Variants in EPHA6 observed in about 807,000 individuals in gnomAD.
The protein encoded by EPHA6 is EPH receptor A6.
EPHA6 carries 50 observed loss-of-function variants against 112.0 expected under a neutral mutation model. That is an observed-to-expected ratio of 0.45 (90% CI 0.36 to 0.56). The LOEUF (loss-of-function observed/expected upper bound fraction) is 0.56, where lower values mean the gene tolerates loss of function less well. Ranked by LOEUF, EPHA6 falls within the 20% of genes least tolerant of loss-of-function variation. EPHA6 has a pLI of 0.00. For missense variants in EPHA6, 1,280 were observed against 1,417.4 expected (o/e 0.90, Z 1.56); for synonymous variants, 529 against 490.7 (o/e 1.08, Z -1.03).
intron 1 of EPHA6, among the ~76,000 whole-genome samples, chr3:96,835,664 A>G (rs1392361201): frequency 1.3e-5 from 2 of 152,002 alleles, no homozygotes; most frequent in Non-Finnish European, 2.9e-5. Flanking sequence ...AAAGTTCTTG[A>G]CCCCGGCTGC....
chr3:97,237,053 C>T (rs2078699462), intron 4 of EPHA6, among the ~76,000 whole-genome samples: 1 of 151,884 alleles, frequency 6.6e-6, no homozygotes, highest in Non-Finnish European at 1.5e-5. Context: ...GCTTTTCCAT[C>T]TCACAACTGA....
intron 2 of EPHA6, among the ~76,000 whole-genome samples, chr3:96,962,487 C>T (rs2041980599): frequency 6.8e-6 from 1 of 147,700 alleles, no homozygotes; most frequent in Non-Finnish European, 1.5e-5. Flanking sequence ...GGGAATTGCT[C>T]CCAGTTCTAA....
At chr3:97,204,950 T>C (rs1313874048) in intron 3 of EPHA6, among the ~76,000 whole-genome samples, 1 of 152,122 alleles carries the variant, frequency 6.6e-6, no homozygotes, top group East Asian at 1.9e-4. Context: ...TTTTTGGATA[T>C]ATTTTAGAAC....
intron 3 of EPHA6, among the ~76,000 whole-genome samples, chr3:97,128,588 G>A (rs1369151952): frequency 6.6e-6 from 1 of 152,002 alleles, no homozygotes; most frequent in African/African-American, 2.4e-5. Context: ...GCATGATCTC[G>A]GCTCACTGCA....
At position 97,333,154 on chromosome 3, in the gene EPHA6, A is replaced by G. The variant is rs550905144; in HGVS notation, c.1607-71996A>G. 5.3e-5 allele frequency among the ~76,000 whole-genome samples: 8 copies of G among 152,166 alleles called. No homozygotes were observed. In the South Asian group the frequency reaches 1.5e-3, roughly 28 times the overall value. ...TTGATTTCTATTATCAACATTTTAT[A>G]ATTTGCAGCACCTAGATCCTGTACA... On this transcript the variant is annotated intron_variant, in intron 5 of 17. Transcript: ENST00000389672.
At chr3:97,404,243 T>C (rs1428069696) in intron 5 of EPHA6, among the ~76,000 whole-genome samples, 1 of 152,194 alleles carries the variant, frequency 6.6e-6, no homozygotes, top group African/African-American at 2.4e-5. Flanking sequence ...ATAAGAGTTG[T>C]ATCATTTTGC....
chr3:97,712,983 A>G (rs1406991715), intron 14 of EPHA6, among the ~76,000 whole-genome samples: 2 of 152,120 alleles, frequency 1.3e-5, no homozygotes, highest in Non-Finnish European at 2.9e-5. Context: ...ATTGTTTCTC[A>G]TCTGCCCCTA....
chr3:97,129,718 A>G (rs561798177), intron 3 of EPHA6, among the ~76,000 whole-genome samples: 32 of 152,242 alleles, frequency 2.1e-4, no homozygotes, highest in Admixed American at 6.5e-4. Flanking sequence ...ATAAGAAATA[A>G]GGGAATTCAT....
Position 97,392,004 on chromosome 3 carries a change from C to G in EPHA6, c.1607-13146C>G, listed in dbSNP as rs139412441. 8.3e-3 allele frequency among the ~76,000 whole-genome samples: 1,259 copies of G among 151,750 alleles called. 14 individuals are homozygous for G. Among genetic ancestry groups the G allele is most frequent in the African/African-American group, 0.027 (1,121 of 41,464 alleles). Reference sequence around the variant, plus strand: ...ATTTATAAGTCTAATTTTCATAAAGCTTCATGGTTTAAGACACTCTTGAAG... The same window carrying G: ...ATTTATAAGTCTAATTTTCATAAAGGTTCATGGTTTAAGACACTCTTGAAG... On this transcript the variant is annotated intron_variant, in intron 5 of 17. Transcript: ENST00000389672.
intron 10 of EPHA6, among the ~76,000 whole-genome samples, chr3:97,518,792 G>A (rs2092489724): frequency 6.6e-6 from 1 of 151,958 alleles, no homozygotes. Context: ...TTTGCAAAAT[G>A]TATATGCATA....
intron 2 of EPHA6, among the ~76,000 whole-genome samples, chr3:96,880,611 A>G (rs1368664597): frequency 4.6e-5 from 7 of 152,258 alleles, no homozygotes; most frequent in African/African-American, 1.7e-4. Flanking sequence ...CATTCACAAT[A>G]TTGTACAACC....
At chr3:97,688,073 CA>C (rs2032383201) in intron 14 of EPHA6, among the ~76,000 whole-genome samples, 2 of 152,264 alleles carry the variant, frequency 1.3e-5, no homozygotes, top group South Asian at 4.1e-4. Flanking sequence ...ATGGCCAAGT[CA>C]GGGAAGAAAG....
intron 13 of EPHA6, among the ~76,000 whole-genome samples, chr3:97,619,488 T>C (rs2093795739): frequency 6.6e-6 from 1 of 150,930 alleles, no homozygotes; most frequent in Non-Finnish European, 1.5e-5. Context: ...TCCCTGTTTG[T>C]AGATTACATG....
At chr3:97,043,708 A>G (rs2045400153) in intron 3 of EPHA6, among the ~76,000 whole-genome samples, 1 of 152,174 alleles carries the variant, frequency 6.6e-6, no homozygotes, top group African/African-American at 2.4e-5. Flanking sequence ...CAAGATAGGA[A>G]GCATCTAAAA....
At chr3:97,640,749 C>G (rs1486578914) in intron 14 of EPHA6, among the ~76,000 whole-genome samples, 4 of 151,776 alleles carry the variant, frequency 2.6e-5, no homozygotes, top group Non-Finnish European at 5.9e-5. Context: ...CATTGAACTC[C>G]AGCCTGGTCA....
At chr3:96,919,230 A>G (rs974755544) in intron 2 of EPHA6, among the ~76,000 whole-genome samples, 4 of 152,064 alleles carry the variant, frequency 2.6e-5, no homozygotes, top group African/African-American at 9.6e-5. Flanking sequence ...AGTAATAATT[A>G]GATCATCTGT....
At chr3:97,081,624 C>T (rs1253226957) in intron 3 of EPHA6, among the ~76,000 whole-genome samples, 1 of 151,676 alleles carries the variant, frequency 6.6e-6, no homozygotes, top group Non-Finnish European at 1.5e-5. Flanking sequence ...AATGTCAATA[C>T]ACTTTAACTA....
intron 2 of EPHA6, among the ~76,000 whole-genome samples, chr3:96,896,190 T>C (rs1423294264): frequency 6.6e-6 from 1 of 152,212 alleles, no homozygotes; most frequent in Non-Finnish European, 1.5e-5. Context: ...ATTTTATTCT[T>C]CTCATCAATG....
chr3:97,316,869 G>A (rs182929427), intron 5 of EPHA6, among the ~76,000 whole-genome samples: 2 of 151,838 alleles, frequency 1.3e-5, no homozygotes, highest in Non-Finnish European at 2.9e-5. Context: ...GATTCCAAAA[G>A]TCAAGAAGAG....
Sources: allele counts gnomAD v4.1 joint callset (sites outside exome capture counted in the v4.1 genomes callset), GRCh38; gene constraint gnomAD v4.1.1; transcripts MANE v1.5; gene names NCBI Gene and HGNC (gene_info 2026-07-23, HGNC 2026-07-21).